The following SLC41A3 variants were observed in gnomAD, a reference collection of about 807,000 sequenced individuals.
SLC41A3 encodes the protein SLC41A1-like 2.
Under a neutral mutation model 45.4 loss-of-function variants are expected in SLC41A3, and 44 were observed. The ratio of observed to expected loss-of-function variants is 0.97; its 90% CI spans 0.76 to 1.25. The LOEUF (loss-of-function observed/expected upper bound fraction) is 1.25. Among genes scored for constraint, SLC41A3 ranks in the 50% most tolerant of loss-of-function variants. SLC41A3 has a pLI of 0.00. For missense variants in SLC41A3, 550 were observed against 600.6 expected, an observed-to-expected ratio of 0.92 and a Z score of 0.88; for synonymous variants, 256 against 252.4, an observed-to-expected ratio of 1.01 and a Z score of -0.13.
At position 126,007,050 on chromosome 3, in the gene SLC41A3, C is replaced by A. The variant is rs1300885594; in HGVS notation, c.1430G>T (p.Gly477Val). The A allele has an allele frequency of 1.9e-6, 3 of 1,614,204 alleles. No homozygotes were observed. The highest frequency in any genetic ancestry group is 3.3e-5 in the Admixed American group (2 of 60,028). Residue 477 changes from glycine (G) to valine (V), a missense_variant, in exon 11 of 11, where the codon GGT becomes GTT. By Grantham distance (109) the Gly-to-Val change is moderately radical (BLOSUM62 -3). Transcript: ENST00000360370. Reference protein sequence around the residue: ...DWLLKSKAELGGISELASGPP With the variant: ...DWLLKSKAELVGISELASGPP The stretch of plus-strand genomic sequence containing the variant: ...TCCAGATGCCAGTTCTGAGATGCCA[C>A]CCAGCTCTGCCTTGCTCTTCAGTAG...
chr3:126,033,188 G>T (rs933563616), intron 4 of SLC41A3, among the ~76,000 whole-genome samples: 22 of 152,288 alleles, frequency 1.4e-4, no homozygotes, highest in African/African-American at 5.3e-4. Flanking sequence ...TTCCAGGCAG[G>T]AAGGATCTAC....
chr3:126,101,133 G>T (rs891474190), intron 1 of SLC41A3, among the ~76,000 whole-genome samples: 2 of 152,198 alleles, frequency 1.3e-5, no homozygotes, highest in Non-Finnish European at 2.9e-5. Context: ...CGCGGGGTTG[G>T]GCAATGCCCA....
At position 126,008,860 on chromosome 3, in the gene SLC41A3, G is replaced by A. The variant is rs774941486; in HGVS notation, c.1126C>T (p.Arg376Ter). The A allele has an allele frequency of 3.1e-6, 5 of 1,613,998 alleles. No homozygotes were observed. The highest frequency in any genetic ancestry group is 1.1e-5 in the South Asian group (1 of 91,084). The change falls in exon 10 of 11, where the codon CGA becomes TGA. Residue 376 changes from arginine to a stop codon, truncating the protein, a stop_gained. Transcript: ENST00000360370. LOFTEE classifies it high-confidence loss of function. ...GGGACCACCAGCAAGAGCAGGACTC[G>A]AGCTGACATGGAATTGATTTCTGAA... is the stretch of plus-strand genomic sequence containing the variant. Reference protein sequence around the residue: ...CTSEINSMSARVLLLLVVPGH... With the variant: ...CTSEINSMSA
chr3:126,082,348 G>A (rs1331630776), intron 1 of SLC41A3, among the ~76,000 whole-genome samples: 1 of 152,196 alleles, frequency 6.6e-6, no homozygotes, highest in Non-Finnish European at 1.5e-5. Flanking sequence ...AGAGGACATT[G>A]GGCAATGTCT....
intron 1 of SLC41A3, among the ~76,000 whole-genome samples, chr3:126,082,965 T>A (rs944713292): frequency 1.3e-5 from 2 of 152,236 alleles, no homozygotes; most frequent in African/African-American, 4.8e-5. Context: ...AAGGTTGGAA[T>A]CCCAGCTCCT....
At chr3:126,039,585 A>C (rs1942445051) in intron 3 of SLC41A3, among the ~76,000 whole-genome samples, 1 of 152,214 alleles carries the variant, frequency 6.6e-6, no homozygotes. Context: ...AGGTTTCTCC[A>C]CTGCAAACAC....
intron 2 of SLC41A3, among the ~76,000 whole-genome samples, chr3:126,053,095 T>C (rs1203763660): frequency 6.6e-6 from 1 of 152,234 alleles, no homozygotes; most frequent in Non-Finnish European, 1.5e-5. Flanking sequence ...CTAAAGTCTA[T>C]GGACACTGGC....
intron 9 of SLC41A3, 28 bp downstream of exon 9, chr3:126,012,587 C>T (rs1939830773): frequency 6.2e-7 from 1 of 1,612,362 alleles, no homozygotes; most frequent in African/African-American, 1.3e-5. Flanking sequence ...AAATGGCTAT[C>T]ATGGCCTCTG....
chr3:126,075,733 G>T (rs370205770), intron 1 of SLC41A3, among the ~76,000 whole-genome samples: 2 of 152,172 alleles, frequency 1.3e-5, no homozygotes, highest in Non-Finnish European at 2.9e-5. Context: ...GATGGGGAAA[G>T]AGTAGTGTCT....
At chr3:126,078,114 G>C (rs1468576508) in intron 1 of SLC41A3, among the ~76,000 whole-genome samples, 1 of 152,076 alleles carries the variant, frequency 6.6e-6, no homozygotes, top group Non-Finnish European at 1.5e-5. Flanking sequence ...CACCACACCA[G>C]GCCCCTCCAA....
chr3:126,032,125 G>C (rs1941840545), intron 4 of SLC41A3, among the ~76,000 whole-genome samples: 1 of 152,244 alleles, frequency 6.6e-6, no homozygotes, highest in Admixed American at 6.5e-5. Flanking sequence ...ATGCACGGCA[G>C]GGAGGTGTGA....
chr3:126,043,534 T>A (rs372838870), intron 3 of SLC41A3, among the ~76,000 whole-genome samples: 1 of 152,190 alleles, frequency 6.6e-6, no homozygotes, highest in Admixed American at 6.5e-5. Context: ...TAAAAAATTT[T>A]ATAAGCATTT....
rs751085565 is a variant in SLC41A3 at position 126,012,620 on chromosome 3, G to A, written c.1100C>T (p.Thr367Met). ...CTGAAAGACATGACACCCACCTGACGTGCAGAAAGTAGAACACGGGTTGGG... is the reference window on the plus strand; with the variant it reads ...CTGAAAGACATGACACCCACCTGACATGCAGAAAGTAGAACACGGGTTGGG... Reference protein sequence around the residue: ...FWPNPCSTFCTSEINSMSARV... With the variant: ...FWPNPCSTFCMSEINSMSARV... The change falls in exon 9 of 11, where the codon ACG becomes ATG. Residue 367 changes from threonine (T) to methionine (M), a missense_variant. Thr to Met is a moderately conservative substitution (Grantham distance 81). Coordinates refer to ENST00000360370, the MANE Select transcript of SLC41A3 (RefSeq NM_017836.4). The A allele has an allele frequency of 2.2e-5, 35 of 1,614,150 alleles. No homozygotes were observed. Among genetic ancestry groups the A allele is most frequent in the Non-Finnish European group, 2.5e-5 (30 of 1,180,004 alleles).
chr3:126,058,136 A>AC (rs1943791390), intron 2 of SLC41A3: 1 of 152,318 alleles, frequency 6.6e-6, no homozygotes, highest in Non-Finnish European at 1.5e-5. Flanking sequence ...GGCTGGCCCA[A>AC]CAGCCACCAC....
chr3:126,065,000 T>C (rs1944275569), intron 2 of SLC41A3, among the ~76,000 whole-genome samples: 1 of 152,228 alleles, frequency 6.6e-6, no homozygotes, highest in Non-Finnish European at 1.5e-5. Flanking sequence ...CCTTTGAAGA[T>C]GGAAGGGCCA....
chr3:126,042,825 A>G (rs895177347), intron 3 of SLC41A3, among the ~76,000 whole-genome samples: 14 of 152,184 alleles, frequency 9.2e-5, no homozygotes, highest in African/African-American at 3.1e-4. Flanking sequence ...AAATTTGAAA[A>G]CAGGTCATTT....
intron 1 of SLC41A3, chr3:126,092,534 TTG>T (rs534528210): frequency 2.6e-5 from 4 of 151,818 alleles, no homozygotes; most frequent in South Asian, 4.0e-4. Flanking sequence ...ACCTCTATAT[TTG>T]TGTGTGTGTG....
intron 6 of SLC41A3, among the ~76,000 whole-genome samples, chr3:126,021,315 G>C (rs1232385537): frequency 1.3e-5 from 2 of 152,206 alleles, no homozygotes; most frequent in African/African-American, 2.4e-5. Context: ...TGGGAGAGCT[G>C]CATGTGCAGT....
At chr3:126,046,961 C>A (rs865852482) in intron 3 of SLC41A3, among the ~76,000 whole-genome samples, 918 of 80,516 alleles carry the variant, frequency 0.011, no homozygotes, top group East Asian at 0.016. Flanking sequence ...AACTCCATCT[C>A]AAAAAAAAAA....
Sources: gnomAD v4.1 joint callset for allele counts (sites outside exome capture counted in the v4.1 genomes callset) on GRCh38, gnomAD v4.1.1 for gene constraint, MANE v1.5 for transcripts, NCBI Gene and HGNC (gene_info 2026-07-23, HGNC 2026-07-21) for gene names.